ZNF735: variants seen among roughly 807,000 people sequenced by gnomAD.
The protein encoded by ZNF735 is zinc finger protein 735.
ZNF735 carries 11 observed loss-of-function variants against 13.4 expected under a neutral mutation model. The ratio of observed to expected loss-of-function variants is 0.82; its 90% confidence interval spans 0.52 to 1.36. ZNF735 has a LOEUF of 1.36. Ranked by LOEUF, ZNF735 falls within the 40% of genes most tolerant of loss-of-function variation. The pLI is 0.00. For synonymous variants in ZNF735, 171 were observed against 162.6 expected (o/e 1.05, Z -0.39); for missense variants, 500 against 484.6 (o/e 1.03, Z -0.30).
chr7:64,216,336 A>G (rs1054849911), intron 3 of ZNF735, among the ~76,000 whole-genome samples: 2 of 152,102 alleles, frequency 1.3e-5, no homozygotes, highest in East Asian at 1.9e-4. Context: ...TAATAAATAT[A>G]CTTTTGGAAT....
At chr7:64,216,500 G>C (rs538600466) in intron 3 of ZNF735, among the ~76,000 whole-genome samples, 5 of 152,044 alleles carry the variant, frequency 3.3e-5, no homozygotes, top group Non-Finnish European at 7.4e-5. Flanking sequence ...ACATTGAAGA[G>C]TGTGTTTATT....
chr7:64,217,677 T>G (rs1467829290), intron 3 of ZNF735, among the ~76,000 whole-genome samples: 2 of 152,078 alleles, frequency 1.3e-5, no homozygotes, highest in African/African-American at 4.8e-5. Context: ...CATTTTACTA[T>G]TATATAATAT....
intron 2 of ZNF735, 74 bp from the exon 3 acceptor site, chr7:64,213,939 A>G (rs1455960386): frequency 5.9e-6 from 8 of 1,352,246 alleles, no homozygotes; most frequent in Non-Finnish European, 7.8e-6. Context: ...AGCCTGAGCG[A>G]CAGAGTGAGA....
chr7:64,216,045 C>T (rs1235823359), intron 3 of ZNF735, among the ~76,000 whole-genome samples: 1 of 152,050 alleles, frequency 6.6e-6, no homozygotes, highest in Non-Finnish European at 1.5e-5. Context: ...CCTGTAATCC[C>T]AGCACTTTGG....
chr7:64,219,568 A>G, exon 4 of ZNF735: 1 of 1,582,544 alleles, frequency 6.3e-7, no homozygotes, highest in Non-Finnish European at 8.6e-7. Context: ...TTCAAATTCC[A>G]ATAGACACAA....
intron 1 of ZNF735, among the ~76,000 whole-genome samples, chr7:64,211,500 T>C (rs73698350): frequency 0.013 from 1,959 of 152,226 alleles, 42 homozygotes; most frequent in African/African-American, 0.044. Flanking sequence ...TACTTAAAAT[T>C]ACTATTAAAA....
intron 1 of ZNF735, among the ~76,000 whole-genome samples, chr7:64,208,396 A>G (rs1787318002): frequency 6.6e-6 from 1 of 151,672 alleles, no homozygotes; most frequent in African/African-American, 2.4e-5. Flanking sequence ...AGCTGGAATT[A>G]CAGGTGTAGG....
At chr7:64,207,787 G>A in intron 1 of ZNF735, among the ~76,000 whole-genome samples, 1 of 152,148 alleles carries the variant, frequency 6.6e-6, no homozygotes, top group East Asian at 1.9e-4. Flanking sequence ...AGGTGTTCGA[G>A]ACCAGCATGA....
At chr7:64,212,720 G>A (rs1412408914) in intron 1 of ZNF735, among the ~76,000 whole-genome samples, 1 of 151,908 alleles carries the variant, frequency 6.6e-6, no homozygotes, top group African/African-American at 2.4e-5. Context: ...TTGAACCCGA[G>A]GCGGAGGTTG....
At chr7:64,217,020 C>T (rs892850653) in intron 3 of ZNF735, among the ~76,000 whole-genome samples, 1 of 152,082 alleles carries the variant, frequency 6.6e-6, no homozygotes, top group African/African-American at 2.4e-5. Context: ...GTCTGTTTAG[C>T]CTATTTGGTT....
At chr7:64,210,285 C>CA (rs1383592815) in intron 1 of ZNF735, among the ~76,000 whole-genome samples, 3 of 152,044 alleles carry the variant, frequency 2.0e-5, no homozygotes, top group Admixed American at 6.5e-5. Flanking sequence ...AAAAAGCCAA[C>CA]AAAAAAATAT....
At chr7:64,220,241 C>T (rs1787476788) in exon 4 of ZNF735, 2 of 1,612,176 alleles carry the variant, frequency 1.2e-6, no homozygotes, top group Non-Finnish European at 1.7e-6. Context: ...TCAAGTCTTG[C>T]TAAACATAAG....
intron 1 of ZNF735, among the ~76,000 whole-genome samples, chr7:64,212,418 G>T (rs1465977853): frequency 2.6e-5 from 4 of 152,160 alleles, no homozygotes; most frequent in Non-Finnish European, 2.9e-5. Flanking sequence ...GACTTAAGAG[G>T]TACCTTCCAA....
intron 3 of ZNF735, among the ~76,000 whole-genome samples, chr7:64,218,270 T>C (rs540361168): frequency 2.6e-5 from 4 of 152,198 alleles, no homozygotes; most frequent in African/African-American, 9.6e-5. Context: ...AATGTTTCTG[T>C]TGACAAATTC....
intron 1 of ZNF735, among the ~76,000 whole-genome samples, chr7:64,212,137 A>G (rs1763878682): frequency 6.6e-6 from 1 of 152,174 alleles, no homozygotes; most frequent in Non-Finnish European, 1.5e-5. Context: ...GCCGAAGTGC[A>G]TAAACGATCA....
exon 1 of ZNF735, chr7:64,207,209 A>G (rs759146151): frequency 2.9e-5 from 47 of 1,614,076 alleles, no homozygotes; most frequent in Admixed American, 8.3e-5. Flanking sequence ...ATTTATGGCT[A>G]AAAGACCGGG....
At chr7:64,210,610 T>C (rs1380653668) in intron 1 of ZNF735, among the ~76,000 whole-genome samples, 1 of 152,210 alleles carries the variant, frequency 6.6e-6, no homozygotes, top group Non-Finnish European at 1.5e-5. Flanking sequence ...CTGCACTGCC[T>C]GCCCTGTTTC....
At chr7:64,210,871 G>A (rs1787351800) in intron 1 of ZNF735, among the ~76,000 whole-genome samples, 1 of 152,102 alleles carries the variant, frequency 6.6e-6, no homozygotes, top group African/African-American at 2.4e-5. Context: ...GTGCTTTAAA[G>A]GCATATTCTC....
At chr7:64,212,982 G>T (rs1787377564) in intron 1 of ZNF735, 110 bp from the exon 2 acceptor site, 1 of 1,188,138 alleles carries the variant, frequency 8.4e-7, no homozygotes, top group African/African-American at 1.6e-5. Flanking sequence ...ACTCTTGTAA[G>T]TGAGAAACAC....
Sources: gnomAD v4.1 joint callset for allele counts (sites outside exome capture counted in the v4.1 genomes callset) on GRCh38, gnomAD v4.1.1 for gene constraint, MANE v1.5 for transcripts, NCBI Gene and HGNC (gene_info 2026-07-23, HGNC 2026-07-21) for gene names.